The following CCDC85A variants were observed in gnomAD, a reference collection of about 807,000 sequenced individuals.
CCDC85A encodes the protein coiled-coil domain-containing protein 85A.
Under a neutral mutation model 50.2 loss-of-function variants are expected in CCDC85A, and 38 were observed. That is an observed-to-expected ratio of 0.76 (90% CI 0.58 to 0.99). The LOEUF (loss-of-function observed/expected upper bound fraction) is 0.99, where lower values mean the gene tolerates loss of function less well. CCDC85A is among the 50% of genes least tolerant of loss of function. The pLI is 0.00. For synonymous variants in CCDC85A, 366 were observed against 301.4 expected, an observed-to-expected ratio of 1.21 and a Z score of -2.22; for missense variants, 820 against 742.0, an observed-to-expected ratio of 1.11 and a Z score of -1.22.
chr2:56,235,689 C>T (rs1267174162), intron 2 of CCDC85A, among the ~76,000 whole-genome samples: 2 of 152,050 alleles, frequency 1.3e-5, no homozygotes, highest in African/African-American at 4.8e-5. Flanking sequence ...AAAAGACATG[C>T]ACAAAATTCA....
chr2:56,286,352 C>T (rs990979461), intron 2 of CCDC85A, among the ~76,000 whole-genome samples: 19 of 152,062 alleles, frequency 1.2e-4, no homozygotes, highest in African/African-American at 4.1e-4. Flanking sequence ...AACAATTGCA[C>T]GTTAGACCAC....
chr2:56,327,929 C>T (rs555441602), intron 2 of CCDC85A, among the ~76,000 whole-genome samples: 2 of 151,298 alleles, frequency 1.3e-5, no homozygotes, highest in African/African-American at 4.8e-5. Context: ...CTAGTCCTTG[C>T]TTTAAGAACT....
intron 2 of CCDC85A, among the ~76,000 whole-genome samples, chr2:56,334,600 A>G (rs1673981219): frequency 6.6e-6 from 1 of 152,162 alleles, no homozygotes; most frequent in Non-Finnish European, 1.5e-5. Context: ...GGATCAGCCT[A>G]ACAATATACA....
intron 2 of CCDC85A, among the ~76,000 whole-genome samples, chr2:56,198,103 G>A (rs751033957): frequency 6.6e-6 from 1 of 152,220 alleles, no homozygotes; most frequent in Non-Finnish European, 1.5e-5. Flanking sequence ...AACGAAAAAT[G>A]TTGATAACAC....
chr2:56,323,451 C>G (rs1319893085), intron 2 of CCDC85A, among the ~76,000 whole-genome samples: 1 of 151,956 alleles, frequency 6.6e-6, no homozygotes, highest in Non-Finnish European at 1.5e-5. Flanking sequence ...TGGTGCTACT[C>G]TATCATCTGC....
At chr2:56,252,717 C>T (rs1356813121) in intron 2 of CCDC85A, among the ~76,000 whole-genome samples, 1 of 152,130 alleles carries the variant, frequency 6.6e-6, no homozygotes, top group Non-Finnish European at 1.5e-5. Context: ...CCGACAGGCC[C>T]CAGTGTGTGA....
intron 3 of CCDC85A, among the ~76,000 whole-genome samples, chr2:56,358,961 A>ATTTTTTTTTT (rs1247665108): frequency 1.1e-4 from 4 of 35,736 alleles, no homozygotes; most frequent in African/African-American, 1.8e-4. Flanking sequence ...ATTTTTTTGT[A>ATTTTTTTTTT]TTTTTTTTTT....
intron 2 of CCDC85A, among the ~76,000 whole-genome samples, chr2:56,327,600 C>T (rs17268765): frequency 1.2e-4 from 19 of 152,026 alleles, no homozygotes; most frequent in Non-Finnish European, 2.1e-4. Context: ...TCCCAGCCTA[C>T]GGTGTCTTAG....
At chr2:56,305,707 C>G (rs1163998517) in intron 2 of CCDC85A, among the ~76,000 whole-genome samples, 1 of 152,250 alleles carries the variant, frequency 6.6e-6, no homozygotes, top group African/African-American at 2.4e-5. Flanking sequence ...TGATTAAAGT[C>G]ATGGTCTTGG....
chr2:56,285,729 A>G (rs1243908234), intron 2 of CCDC85A, among the ~76,000 whole-genome samples: 10 of 151,722 alleles, frequency 6.6e-5, no homozygotes, highest in Admixed American at 5.3e-4. Flanking sequence ...TATGAACCCT[A>G]TACTATATGC....
chr2:56,299,509 C>A (rs866323580), intron 2 of CCDC85A, among the ~76,000 whole-genome samples: 9 of 152,226 alleles, frequency 5.9e-5, no homozygotes, highest in South Asian at 4.1e-4. Flanking sequence ...TCTTTTGTTT[C>A]CTAGCTTTGC....
intron 2 of CCDC85A, among the ~76,000 whole-genome samples, chr2:56,306,169 G>A (rs778411454): frequency 1.4e-4 from 21 of 151,898 alleles, no homozygotes; most frequent in Non-Finnish European, 7.4e-5. Context: ...CACTCTTGTC[G>A]CCCAGGCTGG....
chr2:56,349,634 C>A (rs1487522555), intron 3 of CCDC85A, among the ~76,000 whole-genome samples: 2 of 152,052 alleles, frequency 1.3e-5, no homozygotes, highest in African/African-American at 4.8e-5. Flanking sequence ...GATGATAAAT[C>A]TTCGTTCTAA....
intron 2 of CCDC85A, among the ~76,000 whole-genome samples, chr2:56,304,793 A>C (rs1388637564): frequency 6.6e-6 from 1 of 152,070 alleles, no homozygotes; most frequent in Non-Finnish European, 1.5e-5. Context: ...TCACACCTGC[A>C]ATCCCAGCAC....
intron 2 of CCDC85A, among the ~76,000 whole-genome samples, chr2:56,269,719 G>A (rs75829664): frequency 5.3e-4 from 81 of 152,170 alleles, no homozygotes; most frequent in African/African-American, 2.0e-3. Flanking sequence ...TCTCCCATTA[G>A]CACCATCATC....
intron 2 of CCDC85A, among the ~76,000 whole-genome samples, chr2:56,322,993 A>G (rs1673283024): frequency 1.3e-5 from 2 of 152,190 alleles, no homozygotes; most frequent in South Asian, 2.1e-4. Flanking sequence ...TGTCCTTTAT[A>G]CGGATATGGA....
chr2:56,266,640 T>C (rs2104043302), intron 2 of CCDC85A, among the ~76,000 whole-genome samples: 1 of 131,890 alleles, frequency 7.6e-6, no homozygotes, highest in East Asian at 2.6e-4. Flanking sequence ...GTGAAATGAA[T>C]TGAAGAAAGC....
intron 1 of CCDC85A, among the ~76,000 whole-genome samples, chr2:56,191,040 T>C (rs1203291257): frequency 6.6e-6 from 1 of 152,198 alleles, no homozygotes; most frequent in Admixed American, 6.5e-5. Flanking sequence ...TTAGACATGC[T>C]CACCTCGCTG....
At chr2:56,379,464 A>G (rs17268813) in intron 5 of CCDC85A, among the ~76,000 whole-genome samples, 10,028 of 152,274 alleles carry the variant, frequency 0.066, 421 homozygotes, top group Non-Finnish European at 0.095. Flanking sequence ...TATCTTAATG[A>G]CCAAAGTAAA....
Sources: allele counts gnomAD v4.1 joint callset (sites outside exome capture counted in the v4.1 genomes callset), GRCh38; gene constraint gnomAD v4.1.1; transcripts MANE v1.5; gene names NCBI Gene and HGNC (gene_info 2026-07-23, HGNC 2026-07-21).